Variants in UMAD1 observed in about 807,000 individuals in gnomAD.
UMAD1 encodes UBAP1-MVB12-associated (UMA)-domain containing protein 1.
A neutral mutation model predicts 6.1 loss-of-function variants in UMAD1; 8 were observed. That is an observed-to-expected ratio of 1.30 (90% CI 0.76 to 2.35). The LOEUF is 2.35. Among genes scored for constraint, UMAD1 ranks in the 30% most tolerant of loss-of-function variants. UMAD1 has a pLI of 0.00. For missense variants in UMAD1, 130 were observed against 78.4 expected (o/e 1.66, Z -2.49); for synonymous variants, 56 against 31.4 (o/e 1.78, Z -2.61).
chr7:7,753,487 G>A (rs1020420192), intron 2 of UMAD1, among the ~76,000 whole-genome samples: 17 of 152,022 alleles, frequency 1.1e-4, no homozygotes, highest in African/African-American at 4.1e-4. Context: ...CAATTGTTTT[G>A]ATTTTGAGAT....
rs534413273 is a variant in UMAD1 at position 7,732,383 on chromosome 7, A to T, written c.82+58930A>T. Among the ~76,000 whole-genome samples the T allele has an allele frequency of 3.9e-5, 6 of 152,300 alleles. No homozygotes were observed. In the South Asian group the frequency reaches 1.2e-3, roughly 32 times the overall value. The stretch of plus-strand genomic sequence containing the variant: ...CTAATGAGTTGCTATTAGTCTTCTA[A>T]CCTGGGATAAATAATAAAGTTTCTA... On this transcript the variant is annotated intron_variant, in intron 2 of 3. Transcript: ENST00000682710.
In UMAD1 at chr7:7,767,128, C is replaced by CTTTTTTTTTTTT. The variant is rs71014711; in HGVS notation, c.83-34539_83-34528dup. 2.2e-3 allele frequency among the ~76,000 whole-genome samples: 290 copies of CTTTTTTTTTTTT among 129,726 alleles called. 7 individuals carry two copies. The highest frequency in any genetic ancestry group is 8.8e-3 in the Middle Eastern group (2 of 228). The allele number at this position is 129,726 out of a possible 152,430, so 85.1% of individuals were successfully genotyped here. On this transcript the variant is annotated intron_variant, in intron 2 of 3. Coordinates refer to ENST00000682710, the MANE Select transcript of UMAD1 (RefSeq NM_001302348.2). ...AGTGAGCATTTCAAGAAATTAAGCT[C>CTTTTTTTTTTTT]TTTTTTTTTTTTTTGAGACGGACTC...
intron 2 of UMAD1, among the ~76,000 whole-genome samples, chr7:7,698,576 G>C (rs1008285858): frequency 1.3e-5 from 2 of 151,766 alleles, no homozygotes; most frequent in African/African-American, 4.8e-5. Context: ...GTAGTATTTC[G>C]TAGAACTGGA....
At chr7:7,785,528 A>C (rs1260026206) in intron 2 of UMAD1, among the ~76,000 whole-genome samples, 2 of 152,216 alleles carry the variant, frequency 1.3e-5, no homozygotes, top group African/African-American at 4.8e-5. Flanking sequence ...TAGGGGCCAT[A>C]AAATAATTGT....
chr7:7,694,151 A>G (rs1780248059), intron 2 of UMAD1, among the ~76,000 whole-genome samples: 2 of 152,212 alleles, frequency 1.3e-5, no homozygotes, highest in African/African-American at 4.8e-5. Flanking sequence ...AGCATTCCAA[A>G]GAAGGAATGA....
intron 2 of UMAD1, among the ~76,000 whole-genome samples, chr7:7,737,033 C>T (rs547001585): frequency 1.3e-5 from 2 of 152,372 alleles, no homozygotes; most frequent in East Asian, 3.9e-4. Context: ...AGGGGTTTTC[C>T]TTCTTTGGCG....
chr7:7,744,075 A>ATT (rs2115209688), intron 2 of UMAD1, among the ~76,000 whole-genome samples: 1 of 152,158 alleles, frequency 6.6e-6, no homozygotes, highest in East Asian at 1.9e-4. Context: ...GTTACTCACT[A>ATT]TTTCCCCCAA....
intron 2 of UMAD1, among the ~76,000 whole-genome samples, chr7:7,784,746 G>GC (rs1782425903): frequency 6.9e-6 from 1 of 144,232 alleles, no homozygotes; most frequent in African/African-American, 2.6e-5. Flanking sequence ...ATTAGCTTCT[G>GC]CCCTTCCTTC....
At chr7:7,815,892 G>A (rs1012570731) in intron 3 of UMAD1, among the ~76,000 whole-genome samples, 3 of 152,104 alleles carry the variant, frequency 2.0e-5, no homozygotes, top group African/African-American at 4.8e-5. Flanking sequence ...GCTTTTAGAA[G>A]GTTCATTTGT....
At chr7:7,726,456 C>T (rs563242178) in intron 2 of UMAD1, among the ~76,000 whole-genome samples, 41 of 152,290 alleles carry the variant, frequency 2.7e-4, no homozygotes, top group Admixed American at 9.8e-4. Flanking sequence ...ATAATTACAA[C>T]GCCAATTAGG....
At chr7:7,654,530 G>A (rs1397837578) in intron 1 of UMAD1, among the ~76,000 whole-genome samples, 3 of 152,172 alleles carry the variant, frequency 2.0e-5, no homozygotes, top group African/African-American at 7.2e-5. Context: ...TATAGTATTT[G>A]TATATAGCCT....
chr7:7,763,596 G>A (rs572627495), intron 2 of UMAD1, among the ~76,000 whole-genome samples: 2 of 152,284 alleles, frequency 1.3e-5, no homozygotes, highest in South Asian at 4.2e-4. Context: ...TGAAATTTAG[G>A]CCGGGCGTGG....
intron 3 of UMAD1, among the ~76,000 whole-genome samples, chr7:7,854,806 A>G (rs1369733922): frequency 6.6e-6 from 1 of 152,222 alleles, no homozygotes; most frequent in African/African-American, 2.4e-5. Context: ...ATCCAAGTCC[A>G]AAGTCTAATC....
chr7:7,733,878 G>C (rs2115194903), intron 2 of UMAD1, among the ~76,000 whole-genome samples: 1 of 151,848 alleles, frequency 6.6e-6, no homozygotes. Context: ...CACATAATAT[G>C]AACATCTCTC....
chr7:7,756,880 T>C (rs1781788972), intron 2 of UMAD1, among the ~76,000 whole-genome samples: 1 of 152,210 alleles, frequency 6.6e-6, no homozygotes, highest in Non-Finnish European at 1.5e-5. Flanking sequence ...GTTGAAGACC[T>C]CAGGCTTTGA....
intron 2 of UMAD1, among the ~76,000 whole-genome samples, chr7:7,726,537 T>C (rs913312024): frequency 6.6e-6 from 1 of 152,170 alleles, no homozygotes; most frequent in Non-Finnish European, 1.5e-5. Flanking sequence ...GTGTCCAATA[T>C]ATGGTACTGT....
rs75817807 is a variant in UMAD1 at position 7,733,994 on chromosome 7, T to C, written c.82+60541T>C. ...ATGTAATCTCTTTTCATTTTTTTGT[T>C]ATAAATAGTTAAGGATTAACAGTGT... On this transcript the variant is annotated intron_variant, in intron 2 of 3. Coordinates refer to ENST00000682710, the MANE Select transcript of UMAD1 (RefSeq NM_001302348.2). 1.8e-4 allele frequency among the ~76,000 whole-genome samples: 28 copies of C among 152,268 alleles called. 1 individual carries two copies. The East Asian group carries it at 5.4e-3, about 29-fold the overall frequency.
chr7:7,660,796 G>A (rs1327328323), intron 1 of UMAD1, among the ~76,000 whole-genome samples: 3 of 152,082 alleles, frequency 2.0e-5, no homozygotes, highest in African/African-American at 7.2e-5. Flanking sequence ...TGCTCTTATC[G>A]AGGATTATCT....
chr7:7,806,558 A>C (rs1403676262), intron 3 of UMAD1, among the ~76,000 whole-genome samples: 2 of 152,176 alleles, frequency 1.3e-5, no homozygotes, highest in African/African-American at 4.8e-5. Context: ...TAAATAATCC[A>C]CTTATCTTTA....
Sources: allele counts gnomAD v4.1 joint callset (sites outside exome capture counted in the v4.1 genomes callset), GRCh38; gene constraint gnomAD v4.1.1; transcripts MANE v1.5; gene names NCBI Gene and HGNC (gene_info 2026-07-23, HGNC 2026-07-21).